Variants in REV3L observed in about 807,000 individuals in gnomAD.
The protein encoded by REV3L is REV3 like, DNA directed polymerase zeta catalytic subunit, also known as DNA polymerase zeta catalytic subunit.
In REV3L, 69 loss-of-function variants were observed where a neutral mutation model predicts 299.4. The observed-to-expected ratio is 0.23, with a 90% CI of 0.19 to 0.28. REV3L has a LOEUF of 0.28. REV3L is among the 10% of genes least tolerant of loss of function. The pLI, the probability that REV3L is intolerant of heterozygous loss-of-function variation, is 1.00. For synonymous variants in REV3L, 1,238 were observed against 1,271.4 expected (o/e 0.97, Z 0.56); for missense variants, 3,128 against 3,693.8 (o/e 0.85, Z 3.97).
At position 111,335,478 on chromosome 6, in the gene REV3L, C is replaced by G. The variant is rs373111730; in HGVS notation, c.7671G>C (p.Arg2557Ser). 2.7e-5 allele frequency: 43 copies of G among 1,612,138 alleles called. No individual in the cohort carries two copies. The highest frequency in any genetic ancestry group is 3.4e-5 in the Non-Finnish European group (40 of 1,179,076). ...AAAACTGATTTCCCACCTGTGAACC[C>G]CTTGTCAGTACATGTAAAAACTGAA... is the stretch of plus-strand genomic sequence containing the variant. Reference protein sequence around the residue: ...FGIQFLHVLTRGSQYRVESMM... With the variant: ...FGIQFLHVLTSGSQYRVESMM... Residue 2557 changes from arginine to serine, a missense_variant, in exon 22 of 32, where the codon AGG becomes AGC. Coordinates refer to ENST00000368802, the MANE Select transcript of REV3L (RefSeq NM_001372078.1).
At chr6:111,388,386 T>C (rs1002475) in intron 7 of REV3L, among the ~76,000 whole-genome samples, 60,613 of 152,012 alleles carry the variant, frequency 0.4, 14,616 homozygotes, top group Non-Finnish European at 0.54. Flanking sequence ...AAATTTCCCC[T>C]CATAAAATAT....
At position 111,408,342 on chromosome 6, in the gene REV3L, C is replaced by T. The variant is rs547371536; in HGVS notation, c.405-2712G>A. Among the ~76,000 whole-genome samples the T allele has an allele frequency of 6.1e-4, 93 of 152,284 alleles. 1 individual carries two copies. The South Asian group carries it at 0.017, about 28-fold the overall frequency. On this transcript the variant is annotated intron_variant, in intron 3 of 31. Coordinates refer to ENST00000368802, the MANE Select transcript of REV3L (RefSeq NM_001372078.1). ...GAGGGGCTGGGCACGGTGGCTCACG[C>T]CTGTAATCCCAGCACTTTGGGAGCC...
Position 111,482,976 on chromosome 6 carries a change from CGCCCCCTCCCCTTCTCGGCACG to C in REV3L, c.-110_-89del, listed in dbSNP as rs1399805405. The C allele has an allele frequency of 3.1e-5, 43 of 1,389,848 alleles. No homozygotes were observed. Among genetic ancestry groups the C allele is most frequent in the African/African-American group, 2.9e-4 (19 of 65,440 alleles). The allele number at this position is 1,389,848 out of a possible 1,614,324, so 86.1% of individuals were successfully genotyped here. On this transcript the variant is annotated 5_prime_UTR_variant, in exon 1 of 32. Coordinates refer to ENST00000368802, the MANE Select transcript of REV3L (RefSeq NM_001372078.1). ...GCGGCTCCCTCCGCAGCGGCGGCGG[CGCCCCCTCCCCTTCTCGGCACG>C]GCCCCCTCCCCTCACACAGAGGCAC... is the stretch of plus-strand genomic sequence containing the variant.
At chr6:111,403,957 A>G (rs12190634) in intron 4 of REV3L, among the ~76,000 whole-genome samples, 60,675 of 152,132 alleles carry the variant, frequency 0.4, 14,628 homozygotes, top group Non-Finnish European at 0.54. Context: ...CAGATAGGTG[A>G]AACAGCAGGG....
chr6:111,356,928 C>T (rs771865025), intron 18 of REV3L, 86 bp downstream of exon 18: 23 of 634,222 alleles, frequency 3.6e-5, no homozygotes, highest in Non-Finnish European at 5.8e-5. Flanking sequence ...TTCTTCCTAC[C>T]TTTACTTTTA....
chr6:111,477,141 C>T (rs963707240), intron 1 of REV3L, among the ~76,000 whole-genome samples: 1 of 152,184 alleles, frequency 6.6e-6, no homozygotes, highest in African/African-American at 2.4e-5. Flanking sequence ...TTAAACACAT[C>T]CTCCCAAATG....
chr6:111,320,061 C>T (rs1005952185), intron 26 of REV3L, among the ~76,000 whole-genome samples: 4 of 148,310 alleles, frequency 2.7e-5, no homozygotes, highest in African/African-American at 1.0e-4. Context: ...CAGGTGTGAG[C>T]CACTGCACCT....
rs760059453 is a variant in REV3L at position 111,309,840 on chromosome 6, T to C, written c.9042+13A>G. On this transcript the variant is annotated intron_variant, in intron 30 of 31. Transcript: ENST00000368802. The stretch of plus-strand genomic sequence containing the variant: ...TCCATAGTTAGAGCACATGTACTAT[T>C]TGGTAAGCTTACCCTTGGTAATTCA... 12 of 1,611,578 alleles carry C rather than the reference T, an allele frequency of 7.4e-6. No individual in the cohort carries two copies. The highest frequency in any genetic ancestry group is 2.2e-5 in the South Asian group (2 of 90,572).
At chr6:111,381,522 T>C in intron 9 of REV3L, 78 bp from the exon 10 acceptor site, 1 of 1,249,572 alleles carries the variant, frequency 8.0e-7, no homozygotes, top group Non-Finnish European at 1.1e-6. Flanking sequence ...TGTGTAAATT[T>C]GGAAGCATTA....
chr6:111,457,492 A>G (rs1790283234), intron 1 of REV3L, among the ~76,000 whole-genome samples: 2 of 148,622 alleles, frequency 1.3e-5, no homozygotes. Context: ...ATTATCATAA[A>G]CTTATATTTT....
At chr6:111,442,166 T>C (rs1788342822) in intron 1 of REV3L, among the ~76,000 whole-genome samples, 1 of 152,230 alleles carries the variant, frequency 6.6e-6, no homozygotes, top group Non-Finnish European at 1.5e-5. Context: ...TCAATTAGAC[T>C]GAGTTGGTTG....
chr6:111,453,502 G>C (rs1259908850), intron 1 of REV3L, among the ~76,000 whole-genome samples: 1 of 152,080 alleles, frequency 6.6e-6, no homozygotes, highest in Non-Finnish European at 1.5e-5. Context: ...ACTTGGATAG[G>C]AACATCATTC....
At chr6:111,303,959 A>G (rs1316689598) in intron 31 of REV3L, among the ~76,000 whole-genome samples, 1 of 151,972 alleles carries the variant, frequency 6.6e-6, no homozygotes, top group Admixed American at 6.6e-5. Flanking sequence ...ACCCCAGGTG[A>G]TCTACCTGCC....
At chr6:111,412,462 T>C (rs1784345511) in intron 2 of REV3L, among the ~76,000 whole-genome samples, 1 of 152,090 alleles carries the variant, frequency 6.6e-6, no homozygotes, top group Non-Finnish European at 1.5e-5. Flanking sequence ...TTAGAAACAA[T>C]ACATAAACAG....
At chr6:111,468,843 A>G (rs1791834092) in intron 1 of REV3L, among the ~76,000 whole-genome samples, 1 of 152,182 alleles carries the variant, frequency 6.6e-6, no homozygotes, top group African/African-American at 2.4e-5. Flanking sequence ...ATAATGAAGC[A>G]GACAGGTAGG....
At chr6:111,338,502 T>A (rs1020606419) in intron 21 of REV3L, among the ~76,000 whole-genome samples, 1 of 151,376 alleles carries the variant, frequency 6.6e-6, no homozygotes, top group African/African-American at 2.4e-5. Context: ...TTTACCCTTT[T>A]TTTTACTAAT....
At chr6:111,313,760 G>A (rs1439468803) in intron 27 of REV3L, among the ~76,000 whole-genome samples, 3 of 152,180 alleles carry the variant, frequency 2.0e-5, no homozygotes, top group Non-Finnish European at 4.4e-5. Flanking sequence ...ATTCAAGACA[G>A]TCTACAGTCT....
chr6:111,481,116 G>C (rs1406668234), intron 1 of REV3L, among the ~76,000 whole-genome samples: 1 of 152,154 alleles, frequency 6.6e-6, no homozygotes, highest in Non-Finnish European at 1.5e-5. Flanking sequence ...AAAATTATGT[G>C]TGGAAAAGTA....
intron 1 of REV3L, among the ~76,000 whole-genome samples, chr6:111,477,570 A>G (rs1793086686): frequency 6.6e-6 from 1 of 152,210 alleles, no homozygotes; most frequent in Non-Finnish European, 1.5e-5. Context: ...GGCAAGAACA[A>G]GGGACTGAGA....
Sources: gnomAD v4.1 joint callset for allele counts (sites outside exome capture counted in the v4.1 genomes callset) on GRCh38, gnomAD v4.1.1 for gene constraint, MANE v1.5 for transcripts, NCBI Gene and HGNC (gene_info 2026-07-23, HGNC 2026-07-21) for gene names.